Variants in GREB1 observed in about 807,000 individuals in gnomAD.
GREB1 encodes growth regulating estrogen receptor binding 1, also known as protein GREB1.
GREB1 carries 106 observed loss-of-function variants against 200.7 expected under a neutral mutation model. The ratio of observed to expected loss-of-function variants is 0.53; its 90% CI spans 0.45 to 0.62. GREB1 has a LOEUF of 0.62. Ranked by LOEUF, GREB1 falls within the 20% of genes least tolerant of loss-of-function variation. The pLI is 0.00. For synonymous variants in GREB1, 1,132 were observed against 1,092.4 expected (o/e 1.04, Z -0.72); for missense variants, 2,243 against 2,556.8 (o/e 0.88, Z 2.65).
chr2:11,540,041 C>T (rs998562024), intron 1 of GREB1: 8 of 152,392 alleles, frequency 5.2e-5, no homozygotes, highest in African/African-American at 1.9e-4. Context: ...ACACTTTCCA[C>T]CTCTGCTGGG....
intron 15 of GREB1, 104 bp from the exon 16 acceptor site, chr2:11,600,696 G>A (rs530789452): frequency 1.1e-5 from 10 of 878,546 alleles, no homozygotes; most frequent in South Asian, 2.9e-5. Context: ...ATCTTTAGTC[G>A]TTGGTAAAGT....
At chr2:11,495,999 G>T (rs1672875627) in intron 1 of GREB1, among the ~76,000 whole-genome samples, 1 of 152,052 alleles carries the variant, frequency 6.6e-6, no homozygotes, top group South Asian at 2.1e-4. Flanking sequence ...GGGTAAGGAG[G>T]TCACAGCTCC....
chr2:11,501,636 C>T (rs1162638791), intron 1 of GREB1, among the ~76,000 whole-genome samples: 2 of 152,020 alleles, frequency 1.3e-5, no homozygotes, highest in South Asian at 2.1e-4. Flanking sequence ...TCAGGTGATA[C>T]ACCTGCCTTG....
intron 21 of GREB1, among the ~76,000 whole-genome samples, chr2:11,617,537 C>T (rs1317267293): frequency 6.6e-6 from 1 of 152,248 alleles, no homozygotes; most frequent in Non-Finnish European, 1.5e-5. Context: ...AATTTTGTCC[C>T]AAGGCAGAGG....
chr2:11,611,705 C>G (rs1411993788), intron 18 of GREB1, among the ~76,000 whole-genome samples: 1 of 152,230 alleles, frequency 6.6e-6, no homozygotes, highest in Non-Finnish European at 1.5e-5. Flanking sequence ...CATCTAGCCC[C>G]TCTCCCAGAT....
intron 1 of GREB1, among the ~76,000 whole-genome samples, chr2:11,488,952 T>TG (rs1405224562): frequency 8.0e-6 from 1 of 124,672 alleles, no homozygotes; most frequent in Non-Finnish European, 1.7e-5. Context: ...TGTCTGATAT[T>TG]GTCTCCTCCC....
intron 18 of GREB1, 96 bp downstream of exon 18, chr2:11,611,123 G>T: frequency 9.7e-7 from 1 of 1,032,076 alleles, no homozygotes. Flanking sequence ...ACCCCACAGC[G>T]TGGCCAACGT....
chr2:11,592,554 T>C (rs1159089210), intron 10 of GREB1, among the ~76,000 whole-genome samples: 1 of 150,264 alleles, frequency 6.7e-6, no homozygotes, highest in Non-Finnish European at 1.5e-5. Context: ...AAAAAAAAAC[T>C]TTCATATGGA....
intron 1 of GREB1, among the ~76,000 whole-genome samples, chr2:11,483,673 G>A (rs1354326723): frequency 7.1e-6 from 1 of 141,564 alleles, no homozygotes; most frequent in Admixed American, 7.3e-5. Context: ...CTGCTTCCCC[G>A]AAGTACAAGA....
intron 1 of GREB1, among the ~76,000 whole-genome samples, chr2:11,510,668 T>G (rs550681000): frequency 4.6e-5 from 7 of 150,672 alleles, no homozygotes; most frequent in Middle Eastern, 3.4e-3. Context: ...TTTTCTTTTT[T>G]CAGTATTATG....
intron 1 of GREB1, among the ~76,000 whole-genome samples, chr2:11,484,376 C>G (rs895331466): frequency 2.0e-5 from 3 of 152,074 alleles, no homozygotes; most frequent in Non-Finnish European, 4.4e-5. Flanking sequence ...GCAGTGTTAT[C>G]TGTGGCATTT....
At chr2:11,619,277 G>A (rs535339871) in intron 22 of GREB1, among the ~76,000 whole-genome samples, 1 of 152,340 alleles carries the variant, frequency 6.6e-6, no homozygotes, top group South Asian at 2.1e-4. Flanking sequence ...GGTGAACCAT[G>A]AACGGAGAAC....
rs532484433 is a variant in GREB1 at position 11,483,069 on chromosome 2, C to T, written c.-159+688C>T. Reference sequence around the variant, plus strand: ...GCCCGGCGGGGAAGGTGCGCCCCGCCGGACGCGGGCACTTCCTGGCCCTGG... The same window carrying T: ...GCCCGGCGGGGAAGGTGCGCCCCGCTGGACGCGGGCACTTCCTGGCCCTGG... On this transcript the variant is annotated intron_variant, in intron 1 of 2. Transcript: ENST00000628795. 2.0e-5 allele frequency among the ~76,000 whole-genome samples: 3 copies of T among 151,858 alleles called. No individual in the cohort carries two copies. In the South Asian group the frequency reaches 6.2e-4, roughly 31 times the overall value.
At chr2:11,537,694 A>G (rs908785954) in intron 1 of GREB1, among the ~76,000 whole-genome samples, 12 of 147,502 alleles carry the variant, frequency 8.1e-5, no homozygotes, top group African/African-American at 2.9e-4. Context: ...ATATTACATA[A>G]ATATCATATA....
intron 2 of GREB1, chr2:11,561,448 C>T (rs1677029133): frequency 6.6e-6 from 1 of 151,436 alleles, no homozygotes; most frequent in East Asian, 1.9e-4. Context: ...ACTGCAACCT[C>T]CACCTCCCAG....
At chr2:11,485,803 T>G (rs1207302944) in intron 1 of GREB1, among the ~76,000 whole-genome samples, 1 of 152,212 alleles carries the variant, frequency 6.6e-6, no homozygotes, top group Non-Finnish European at 1.5e-5. Flanking sequence ...TGTGTTCACT[T>G]TGGGGATTCA....
chr2:11,613,044 C>T (rs1683078641), intron 19 of GREB1, among the ~76,000 whole-genome samples: 1 of 152,198 alleles, frequency 6.6e-6, no homozygotes, highest in Non-Finnish European at 1.5e-5. Context: ...GCCCTCCCGG[C>T]TTAGGAGGCG....
chr2:11,602,468 C>T lies in GREB1; in HGVS notation c.2592C>T (p.Thr864=), dbSNP rs1222848154. The T allele has an allele frequency of 6.2e-7, 1 of 1,612,520 alleles. No individual in the cohort carries two copies. ...YFGLSEFIES[T]LSGHSLPLLR... is the part of the protein sequence containing the mutation. ...GGCTGTCGGAGTTTATTGAATCCACCCTTTCAGGACACAGCCTCCCCTTGC... is the reference window on the plus strand; with the variant it reads ...GGCTGTCGGAGTTTATTGAATCCACTCTTTCAGGACACAGCCTCCCCTTGC... Residue 864 remains threonine (T), a synonymous_variant, in exon 17 of 33, where the codon ACC becomes ACT. Coordinates refer to ENST00000381486, the MANE Select transcript of GREB1 (RefSeq NM_014668.4).
chr2:11,485,096 G>C (rs1257004762), intron 1 of GREB1, among the ~76,000 whole-genome samples: 1 of 152,098 alleles, frequency 6.6e-6, no homozygotes, highest in African/African-American at 2.4e-5. Flanking sequence ...CAGAGTGCTG[G>C]GATTACAGGC....
Sources: allele counts gnomAD v4.1 joint callset (sites outside exome capture counted in the v4.1 genomes callset), GRCh38; gene constraint gnomAD v4.1.1; transcripts MANE v1.5; gene names NCBI Gene and HGNC (gene_info 2026-07-23, HGNC 2026-07-21).